The following ST3GAL3 variants were observed in gnomAD, a reference collection of about 807,000 sequenced individuals.
ST3GAL3 encodes CMP-N-acetylneuraminate-beta-1,4-galactoside alpha-2,3-sialyltransferase.
ST3GAL3 carries 21 observed loss-of-function variants against 50.1 expected under a neutral mutation model. The ratio of observed to expected loss-of-function variants is 0.42; its 90% CI spans 0.30 to 0.60. The LOEUF is 0.60. Ranked by LOEUF, ST3GAL3 falls within the 20% of genes least tolerant of loss-of-function variation. The pLI is 0.19. For missense variants in ST3GAL3, 353 were observed against 489.4 expected, an observed-to-expected ratio of 0.72 and a Z score of 2.63; for synonymous variants, 183 against 190.0, an observed-to-expected ratio of 0.96 and a Z score of 0.30.
intron 1 of ST3GAL3, among the ~76,000 whole-genome samples, chr1:43,718,025 A>T (rs1392871370): frequency 2.0e-5 from 3 of 151,374 alleles, no homozygotes; most frequent in African/African-American, 7.3e-5. Context: ...GGCATGTGCC[A>T]CCACACCCGG....
intron 4 of ST3GAL3, among the ~76,000 whole-genome samples, chr1:43,831,005 C>T (rs1347673058): frequency 6.6e-6 from 1 of 152,204 alleles, no homozygotes; most frequent in Non-Finnish European, 1.5e-5. Context: ...TCAAAGGGCA[C>T]TGTGACCCAC....
chr1:43,804,811 C>CGAGGGA (rs1196784236), intron 3 of ST3GAL3, among the ~76,000 whole-genome samples: 3 of 152,064 alleles, frequency 2.0e-5, no homozygotes, highest in Non-Finnish European at 4.4e-5. Flanking sequence ...AGATGGCAGG[C>CGAGGGA]GAGGGAGAAG....
chr1:43,730,611 C>T (rs1237560491), intron 1 of ST3GAL3, among the ~76,000 whole-genome samples: 5 of 145,006 alleles, frequency 3.4e-5, no homozygotes, highest in Non-Finnish European at 7.5e-5. Flanking sequence ...TGCTCTGTTG[C>T]CCAGGCGGGG....
intron 5 of ST3GAL3, among the ~76,000 whole-genome samples, chr1:43,861,209 C>T (rs1399515019): frequency 6.6e-6 from 1 of 152,162 alleles, no homozygotes; most frequent in African/African-American, 2.4e-5. Flanking sequence ...TTGGACAAGC[C>T]CTTAGTCATG....
intron 2 of ST3GAL3, chr1:43,772,207 A>T (rs757551580): frequency 5.7e-5 from 22 of 389,182 alleles, no homozygotes; most frequent in Non-Finnish European, 9.5e-5. Context: ...GCACCACCAC[A>T]CCTGGCTAAT....
At chr1:43,855,379 G>T (rs187494549) in intron 5 of ST3GAL3, among the ~76,000 whole-genome samples, 205 of 152,290 alleles carry the variant, frequency 1.3e-3, no homozygotes, top group Non-Finnish European at 2.6e-3. Context: ...GCCGGCCAAG[G>T]CGGGTGGATC....
At chr1:43,717,453 G>A (rs1424351410) in intron 1 of ST3GAL3, among the ~76,000 whole-genome samples, 1 of 151,716 alleles carries the variant, frequency 6.6e-6, no homozygotes, top group Non-Finnish European at 1.5e-5. Context: ...AGAAATAATA[G>A]CAAGGAAAGG....
At chr1:43,808,260 C>T (rs182463881) in intron 3 of ST3GAL3, among the ~76,000 whole-genome samples, 16 of 147,242 alleles carry the variant, frequency 1.1e-4, no homozygotes, top group African/African-American at 3.8e-4. Flanking sequence ...GCTGAGATCA[C>T]GCCACTGCAC....
rs1211631386 is a variant in ST3GAL3 at position 43,759,070 on chromosome 1, C to T, written c.118+22690C>T. 4.3e-5 allele frequency among the ~76,000 whole-genome samples: 3 copies of T among 69,978 alleles called. No individual in the cohort carries two copies. The East Asian group carries it at 2.6e-3, about 61-fold the overall frequency. 45.9% of individuals were successfully genotyped at this position (69,978 alleles called of 152,430 possible). ...AAAAACAAACAAAAGCGCGCGCACA[C>T]ACACACACACACACACACACACACA... On this transcript the variant is annotated intron_variant, in intron 2 of 11. Coordinates refer to ENST00000347631, the MANE Select transcript of ST3GAL3 (RefSeq NM_006279.5).
At chr1:43,830,904 GATA>G (rs2063457027) in intron 4 of ST3GAL3, among the ~76,000 whole-genome samples, 1 of 152,186 alleles carries the variant, frequency 6.6e-6, no homozygotes, top group South Asian at 2.1e-4. Context: ...TTGAAACTAT[GATA>G]ATAATTCAGA....
At chr1:43,918,435 G>T (rs1455971770) in intron 9 of ST3GAL3, among the ~76,000 whole-genome samples, 1 of 151,728 alleles carries the variant, frequency 6.6e-6, no homozygotes, top group Non-Finnish European at 1.5e-5. Flanking sequence ...CCCTTTTTTT[G>T]TTTTTTAAAC....
At chr1:43,859,770 G>T (rs2069439753) in intron 5 of ST3GAL3, among the ~76,000 whole-genome samples, 1 of 152,184 alleles carries the variant, frequency 6.6e-6, no homozygotes, top group South Asian at 2.1e-4. Context: ...TCTGATGAGG[G>T]CTGGCTCTGT....
chr1:43,908,778 C>A (rs1022949371), intron 9 of ST3GAL3, among the ~76,000 whole-genome samples: 1 of 152,054 alleles, frequency 6.6e-6, no homozygotes, highest in Non-Finnish European at 1.5e-5. Context: ...ATTACAGGTG[C>A]CTGCCACCAC....
chr1:43,846,133 A>G (rs928399303), intron 5 of ST3GAL3, among the ~76,000 whole-genome samples: 1 of 152,222 alleles, frequency 6.6e-6, no homozygotes. Flanking sequence ...ATAAATGGCA[A>G]TTAGCTTAGG....
intron 2 of ST3GAL3, among the ~76,000 whole-genome samples, chr1:43,760,917 T>C (rs986539482): frequency 1.3e-5 from 2 of 152,222 alleles, no homozygotes; most frequent in African/African-American, 4.8e-5. Context: ...CTGATAATGC[T>C]ACAATATGGA....
intron 5 of ST3GAL3, chr1:43,850,154 A>G (rs1217016332): frequency 4.7e-6 from 1 of 213,814 alleles, no homozygotes; most frequent in African/African-American, 2.3e-5. Context: ...TGAAGAAAAC[A>G]TGAAAAAAGT....
At chr1:43,781,439 C>T (rs1229070129) in intron 2 of ST3GAL3, among the ~76,000 whole-genome samples, 3 of 151,802 alleles carry the variant, frequency 2.0e-5, no homozygotes, top group African/African-American at 4.8e-5. Context: ...GTGAAACCCC[C>T]ACTCTACTAA....
chr1:43,887,599 T>G (rs2076160587), intron 5 of ST3GAL3, among the ~76,000 whole-genome samples: 1 of 152,206 alleles, frequency 6.6e-6, no homozygotes, highest in Non-Finnish European at 1.5e-5. Context: ...TGGAGTCAAG[T>G]AAGTCATCTT....
At chr1:43,917,772 A>T (rs991845432) in intron 9 of ST3GAL3, among the ~76,000 whole-genome samples, 4 of 143,496 alleles carry the variant, frequency 2.8e-5, no homozygotes, top group African/African-American at 7.9e-5. Flanking sequence ...GGTTCAAGCG[A>T]TCCTCCCACC....
Sources: allele counts gnomAD v4.1 joint callset (sites outside exome capture counted in the v4.1 genomes callset), GRCh38; gene constraint gnomAD v4.1.1; transcripts MANE v1.5; gene names NCBI Gene and HGNC (gene_info 2026-07-23, HGNC 2026-07-21).